KMT2E: variants seen among roughly 807,000 people sequenced by gnomAD.
KMT2E encodes histone reader KMT2E.
In KMT2E, 30 loss-of-function variants were observed where a neutral mutation model predicts 184.6. The observed-to-expected ratio is 0.16, with a 90% CI of 0.12 to 0.22. KMT2E has a LOEUF of 0.22. KMT2E is among the 10% of genes least tolerant of loss of function. The probability of loss-of-function intolerance (pLI) is 1.00; values close to 1 mark genes in which losing one functional copy is unlikely to be tolerated. For synonymous variants in KMT2E, 815 were observed against 776.5 expected, an observed-to-expected ratio of 1.05 and a Z score of -0.82; for missense variants, 2,023 against 2,237.4, an observed-to-expected ratio of 0.90 and a Z score of 1.93.
intron 3 of KMT2E, among the ~76,000 whole-genome samples, chr7:105,046,568 T>C (rs1796112604): frequency 6.6e-6 from 1 of 152,232 alleles, no homozygotes; most frequent in Admixed American, 6.5e-5. Flanking sequence ...ATAAATGTGA[T>C]CTAGAATTAC....
intron 19 of KMT2E, 55 bp from the exon 20 acceptor site, chr7:105,106,467 G>C: frequency 6.8e-7 from 1 of 1,474,432 alleles, no homozygotes; most frequent in Non-Finnish European, 9.5e-7. Context: ...GACACAAACA[G>C]ATTTTAACAA....
At chr7:105,046,130 A>G (rs1796090927) in intron 3 of KMT2E, among the ~76,000 whole-genome samples, 1 of 152,090 alleles carries the variant, frequency 6.6e-6, no homozygotes, top group South Asian at 2.1e-4. Flanking sequence ...GAGTAGTTCA[A>G]ACTTAATAAA....
At chr7:105,036,612 A>G (rs1791888682) in intron 1 of KMT2E, among the ~76,000 whole-genome samples, 2 of 152,196 alleles carry the variant, frequency 1.3e-5, no homozygotes, top group South Asian at 4.1e-4. Context: ...TGGGGATAAT[A>G]AATGCACCTA....
At chr7:105,089,839 GA>G (rs1244902725) in intron 13 of KMT2E, among the ~76,000 whole-genome samples, 169 bp from the exon 14 acceptor site, 2 of 151,936 alleles carry the variant, frequency 1.3e-5, no homozygotes, top group African/African-American at 2.4e-5. Flanking sequence ...TTATTTTAAT[GA>G]AAAAAATTTT....
rs1374821688 is a variant in KMT2E at position 105,053,297 on chromosome 7, AAATT to A, written c.72-8866_72-8863del. On this transcript the variant is annotated intron_variant, in intron 3 of 26. Coordinates refer to ENST00000311117, the MANE Select transcript of KMT2E (RefSeq NM_182931.3). ...GATTGTTTACTGACCATGATATAAT[AAATT>A]GAGACATAACGTAGGAAGAGAAGGG... Among the ~76,000 whole-genome samples, 84 of 152,284 alleles carry A rather than the reference AAATT, an allele frequency of 5.5e-4. 3 individuals carry two copies. The highest frequency in any genetic ancestry group is 2.1e-3 in the East Asian group (11 of 5,180).
At chr7:105,019,326 T>A (rs752273397) in intron 1 of KMT2E, among the ~76,000 whole-genome samples, 1 of 152,218 alleles carries the variant, frequency 6.6e-6, no homozygotes, top group Non-Finnish European at 1.5e-5. Flanking sequence ...TTTTTTTCCC[T>A]CATGAACAGC....
At chr7:105,043,927 C>T (rs1795991836) in intron 3 of KMT2E, among the ~76,000 whole-genome samples, 1 of 151,918 alleles carries the variant, frequency 6.6e-6, no homozygotes, top group Admixed American at 6.6e-5. Flanking sequence ...CCTGTCTCTA[C>T]AAAATAAAAA....
intron 5 of KMT2E, 80 bp downstream of exon 5, chr7:105,063,660 AC>A: frequency 1.1e-6 from 1 of 930,198 alleles, no homozygotes; most frequent in South Asian, 1.8e-5. Context: ...AACTAAAGTC[AC>A]TTTCAAGGGA....
chr7:105,028,169 C>CTTT (rs751104838), intron 1 of KMT2E, among the ~76,000 whole-genome samples: 1 of 142,136 alleles, frequency 7.0e-6, no homozygotes, highest in African/African-American at 2.6e-5. Context: ...GGAACTGAGA[C>CTTT]TTTTTTTTTT....
chr7:105,065,037 T>A (rs1256134324), intron 5 of KMT2E, among the ~76,000 whole-genome samples: 1 of 152,206 alleles, frequency 6.6e-6, no homozygotes, highest in Non-Finnish European at 1.5e-5. Context: ...CTACAAATTA[T>A]TGAAGGACCA....
At chr7:105,037,361 T>C (rs1562883638) in intron 1 of KMT2E, among the ~76,000 whole-genome samples, 1 of 151,828 alleles carries the variant, frequency 6.6e-6, no homozygotes, top group Non-Finnish European at 1.5e-5. Context: ...TTTTGTTTTC[T>C]TTTTTTTGTT....
At chr7:105,073,791 ATGAATGT>A in intron 7 of KMT2E, 114 bp downstream of exon 7, 1 of 654,028 alleles carries the variant, frequency 1.5e-6, no homozygotes, top group Non-Finnish European at 2.7e-6. Flanking sequence ...TACCTTGTTG[ATGAATGT>A]TGATTGTACA....
rs754869275 is a variant in KMT2E at position 105,112,852 on chromosome 7, G to T, written c.5096G>T (p.Gly1699Val). The T allele has an allele frequency of 9.7e-6, 13 of 1,345,022 alleles. No homozygotes were observed. In the East Asian group the frequency reaches 4.7e-4, roughly 49 times the overall value. 83.3% of individuals were successfully genotyped at this position (1,345,022 alleles called of 1,614,324 possible). Residue 1699 changes from glycine to valine, a missense_variant, in exon 27 of 27, where the codon GGA (glycine) becomes GTA (valine). Physicochemically the swap from Gly to Val is moderately radical, Grantham distance 109 (BLOSUM62 -3). Transcript: ENST00000311117. Reference sequence around the variant, plus strand: ...CATCCACCACCCCATCCATCCACAGGACTCCAAGGTCTACAAGCACAACAC... The same window carrying T: ...CATCCACCACCCCATCCATCCACAGTACTCCAAGGTCTACAAGCACAACAC... The part of the protein sequence containing the change: ...HHHPPPHPST[G>V]LQGLQAQHQH...
At position 105,113,349 on chromosome 7, in the gene KMT2E, CAT is replaced by C. The variant is rs1799417665; in HGVS notation, c.*17_*18del. On this transcript the variant is annotated 3_prime_UTR_variant, in exon 27 of 27. Transcript: ENST00000311117. ...GTGGCATTAAAATGGACTCCAAAAA[CAT>C]TTTTTTAAATGTTCTGTAAGATAAA... 4.4e-6 allele frequency: 7 copies of C among 1,591,442 alleles called. No homozygotes were observed. The highest frequency in any genetic ancestry group is 6.0e-6 in the Non-Finnish European group (7 of 1,164,540).
chr7:105,094,476 G>A (rs1361946059), intron 15 of KMT2E, among the ~76,000 whole-genome samples: 1 of 152,116 alleles, frequency 6.6e-6, no homozygotes, highest in Non-Finnish European at 1.5e-5. Flanking sequence ...GCACTTACCA[G>A]TTGAACATCC....
intron 3 of KMT2E, among the ~76,000 whole-genome samples, chr7:105,043,317 A>G (rs1181191532): frequency 6.7e-6 from 1 of 149,596 alleles, no homozygotes; most frequent in Non-Finnish European, 1.5e-5. Flanking sequence ...GCTCACTGCA[A>G]GCTCCGCCTC....
chr7:105,113,149 A>G lies in KMT2E; in HGVS notation c.5393A>G (p.Gln1798Arg), dbSNP rs138578796. The change falls in exon 27 of 27, where the codon CAA (glutamine) becomes CGA (arginine). Residue 1798 changes from glutamine to arginine, a missense_variant. This residue lies in a region of KMT2E where 1,108 missense variants were observed against 1,050.9 expected (regional missense o/e 1.05). Transcript: ENST00000311117. ...LPVTGPHLQPQGPNSIPTPTA... is the reference protein window; with the variant it reads ...LPVTGPHLQPRGPNSIPTPTA... ...GTCACAGGTCCTCATCTCCAGCCCCAAGGACCAAACAGTATTCCAACACCT... is the reference window on the plus strand; with the variant it reads ...GTCACAGGTCCTCATCTCCAGCCCCGAGGACCAAACAGTATTCCAACACCT... 3 of 1,614,026 alleles carry G rather than the reference A, an allele frequency of 1.9e-6. No individual in the cohort carries two copies. The African/African-American group carries it at 4.0e-5, about 22-fold the overall frequency.
At chr7:105,063,775 G>A in intron 5 of KMT2E, 195 bp downstream of exon 5, 1 of 559,100 alleles carries the variant, frequency 1.8e-6, no homozygotes, top group Non-Finnish European at 3.1e-6. Context: ...GTTGTTAACT[G>A]AGTAATAGAC....
At chr7:105,107,958 TAG>T in intron 22 of KMT2E, 33 bp downstream of exon 22, 1 of 1,418,202 alleles carries the variant, frequency 7.1e-7, no homozygotes, top group South Asian at 1.5e-5. Flanking sequence ...GTCCTTTTAA[TAG>T]TTTTTTTTTT....
Sources: gnomAD v4.1 joint callset for allele counts (sites outside exome capture counted in the v4.1 genomes callset) on GRCh38, gnomAD v4.1.1 for gene constraint, gnomAD v4.1.1 regional missense constraint, MANE v1.5 for transcripts, NCBI Gene and HGNC (gene_info 2026-07-23, HGNC 2026-07-21) for gene names.